The following PRR23C variants were observed in gnomAD, a reference collection of about 807,000 sequenced individuals.
The protein encoded by PRR23C is proline-rich protein 23C.
Under a neutral mutation model 0.1 loss-of-function variants are expected in PRR23C, and 1 was observed. The observed-to-expected ratio is 6.80, with a 90% CI of 2.41 to 32.24. PRR23C has a LOEUF of 32.24. Ranked by LOEUF, PRR23C falls within the 30% of genes most tolerant of loss-of-function variation. PRR23C has a pLI of 0.11. For synonymous variants in PRR23C, 172 were observed against 168.1 expected (o/e 1.02, Z -0.18); for missense variants, 361 against 370.4 (o/e 0.97, Z 0.21).
rs566156028 is a variant in PRR23C at position 139,044,757 on chromosome 3, T to C, written c.-137A>G. ...GACGCGGGGCGAGTCCTCGGAGCTC[T>C]GGGGGCGCCTCCCGGAGATCGGAGT... On this transcript the variant is annotated 5_prime_UTR_variant, in exon 1 of 1. Transcript: ENST00000413199. The surrounding 1 kb of genome is among the most constrained non-coding windows in gnomAD (Gnocchi z 7.5). The C allele has an allele frequency of 1.8e-4, 178 of 970,194 alleles. 1 individual carries two copies. In the East Asian group the frequency reaches 5.1e-3, roughly 28 times the overall value. 60.1% of individuals were successfully genotyped at this position (970,194 alleles called of 1,614,324 possible).
In PRR23C at chr3:139,044,330, G is replaced by A. The variant is rs1937177944; in HGVS notation, c.291C>T (p.Leu97=). The part of the protein sequence containing the change: ...VLRVSLGGHT[L]IVIPEVLLSS... ...TCAGGAGGACCTCGGGGATCACGAT[G>A]AGGGTGTGTCCACCAAGAGACACTC... The change falls in exon 1 of 1, where the codon CTC becomes CTT. Residue 97 remains leucine, a synonymous_variant. Transcript: ENST00000413199. This position sits in a 1 kb window ranked among gnomAD's most constrained non-coding sequence, Gnocchi z 7.5. 1 of 1,609,642 alleles carries A rather than the reference G, an allele frequency of 6.2e-7. No individual in the cohort carries two copies. The highest frequency in any genetic ancestry group is 8.5e-7 in the Non-Finnish European group (1 of 1,178,150).
At position 139,043,950 on chromosome 3, in the gene PRR23C, G is replaced by A. The variant is rs747405289; in HGVS notation, c.671C>T (p.Pro224Leu). The A allele has an allele frequency of 3.1e-6, 5 of 1,607,392 alleles. No homozygotes were observed. In the East Asian group the frequency reaches 6.7e-5, roughly 22 times the overall value. Residue 224 changes from proline (P) to leucine (L), a missense_variant, in exon 1 of 1, where the codon CCT becomes CTT. Physicochemically the swap from Pro to Leu is moderately conservative, Grantham distance 98. Transcript: ENST00000413199. ...AGGTTGGAGAGGTGAGCTGGGGACA[G>A]GCTCCAGAAGATGGAATTCCAGGTC... ...IFDLEFHLLE[P>L]VPSSPLQPLP...
Position 139,042,487 on chromosome 3 carries a change from G to C in PRR23C, c.*1345C>G, listed in dbSNP as rs969957681. 5 of 152,086 alleles carry C rather than the reference G, an allele frequency of 3.3e-5. No individual in the cohort carries two copies. The highest frequency in any genetic ancestry group is 5.9e-5 in the Non-Finnish European group (4 of 68,014). 9.4% of individuals were successfully genotyped at this position (152,086 alleles called of 1,614,324 possible). The stretch of plus-strand genomic sequence containing the variant: ...AAGGGTTATCTAACAACCATGTAAA[G>C]ATCATACTTTATGGTAAAATTTAGA... On this transcript the variant is annotated 3_prime_UTR_variant, in exon 1 of 1. Transcript: ENST00000413199.
In PRR23C at chr3:139,044,490, C is replaced by A; in HGVS notation, c.131G>T (p.Ser44Ile). 1 of 1,541,816 alleles carries A rather than the reference C, an allele frequency of 6.5e-7. No homozygotes were observed. Among genetic ancestry groups the A allele is most frequent in the Non-Finnish European group, 8.7e-7 (1 of 1,144,184 alleles). The change falls in exon 1 of 1, where the codon AGC becomes ATC. Residue 44 changes from serine (S) to isoleucine (I), a missense_variant. By Grantham distance (142) the Ser-to-Ile change is moderately radical. Coordinates refer to ENST00000413199, the MANE Select transcript of PRR23C (RefSeq NM_001134657.1). The surrounding 1 kb of genome is among the most constrained non-coding windows in gnomAD (Gnocchi z 7.5). Reference sequence around the variant, plus strand: ...CGGGGTCCCCGCCGGGTCTTCCGGGCTGGGCGCCGCTCGGGATTCGGGGCC... The same window carrying A: ...CGGGGTCCCCGCCGGGTCTTCCGGGATGGGCGCCGCTCGGGATTCGGGGCC... ...PAGPESRAAP[S>I]PEDPAGTPAV...
chr3:139,043,959 A>C lies in PRR23C; in HGVS notation c.662T>G (p.Leu221Arg), dbSNP rs776957873. The change falls in exon 1 of 1, where the codon CTT (leucine) becomes CGT (arginine). Residue 221 changes from leucine to arginine, a missense_variant. By Grantham distance (102) the Leu-to-Arg change is moderately radical (BLOSUM62 -2). Transcript: ENST00000413199. ...AGGTGAGCTGGGGACAGGCTCCAGA[A>C]GATGGAATTCCAGGTCGAAGATGGG... ...PRPIFDLEFH[L>R]LEPVPSSPLQ... 1 of 1,609,354 alleles carries C rather than the reference A, an allele frequency of 6.2e-7. No individual in the cohort carries two copies.
rs1212399708 is a variant in PRR23C, at chr3:139,043,866, G to A, written c.755C>T (p.Pro252Leu). The change falls in exon 1 of 1, where the codon CCG becomes CTG. Residue 252 changes from proline to leucine, a missense_variant. By Grantham distance (98) the Pro-to-Leu change is moderately conservative (BLOSUM62 -3). Coordinates refer to ENST00000413199, the MANE Select transcript of PRR23C (RefSeq NM_001134657.1). ...HARPELPERP[P>L]CKVRRRLFQE is the part of the protein sequence containing the mutation. Reference sequence around the variant, plus strand: ...GAACAGGCGTCTTCGGACCTTGCACGGAGGGCGCTCTGGGAGCTCCGGGCG... The same window carrying A: ...GAACAGGCGTCTTCGGACCTTGCACAGAGGGCGCTCTGGGAGCTCCGGGCG... 4 of 1,561,812 alleles carry A rather than the reference G, an allele frequency of 2.6e-6. No individual in the cohort carries two copies. The highest frequency in any genetic ancestry group is 1.9e-5 in the Admixed American group (1 of 51,644).
chr3:139,044,106 G>C lies in PRR23C; in HGVS notation c.515C>G (p.Ala172Gly). The C allele has an allele frequency of 6.2e-7, 1 of 1,613,122 alleles. No individual in the cohort carries two copies. The highest frequency in any genetic ancestry group is 8.5e-7 in the Non-Finnish European group (1 of 1,179,508). Residue 172 changes from alanine to glycine, a missense_variant, in exon 1 of 1, where the codon GCC (alanine) becomes GGC (glycine). Physicochemically the swap from Ala to Gly is moderately conservative, Grantham distance 60. Transcript: ENST00000413199. The surrounding 1 kb of genome is among the most constrained non-coding windows in gnomAD (Gnocchi z 7.5). ...GGGGTAGAGCCCAGCGGCTGAGCCG[G>C]CTGCGGAGTCCATCCAGAGCTCCGG... ...EFPELWMDSA[A>G]GSAAGLYPSA... is the part of the protein sequence containing the mutation.
rs917279309 is a variant in PRR23C, at chr3:139,043,786, G to T, written c.*46C>A. ...ATACACACAACGGCTATCAGGAGACGGTCTCCTGGAGCCCAGCAGGGTGGC... is the reference window on the plus strand; with the variant it reads ...ATACACACAACGGCTATCAGGAGACTGTCTCCTGGAGCCCAGCAGGGTGGC... On this transcript the variant is annotated 3_prime_UTR_variant, in exon 1 of 1. Coordinates refer to ENST00000413199, the MANE Select transcript of PRR23C (RefSeq NM_001134657.1). The T allele has an allele frequency of 2.8e-6, 4 of 1,452,694 alleles. No individual in the cohort carries two copies. In the South Asian group the frequency reaches 4.3e-5, roughly 16 times the overall value. 90.0% of individuals were successfully genotyped at this position (1,452,694 alleles called of 1,614,324 possible).
Position 139,043,106 on chromosome 3 carries a change from T to G in PRR23C, c.*726A>C, listed in dbSNP as rs1444985718. The G allele has an allele frequency of 6.6e-6, 1 of 151,998 alleles. No individual in the cohort carries two copies. The highest frequency in any genetic ancestry group is 1.5e-5 in the Non-Finnish European group (1 of 68,004). 9.4% of individuals were successfully genotyped at this position (151,998 alleles called of 1,614,324 possible). On this transcript the variant is annotated 3_prime_UTR_variant, in exon 1 of 1. Coordinates refer to ENST00000413199, the MANE Select transcript of PRR23C (RefSeq NM_001134657.1). ...ACATACACACACAGAGTCTTAGAAT[T>G]ATAAGCTTTTCCAGGATAAAATAAT...
In PRR23C at chr3:139,044,260, C is replaced by T. The variant is rs1363025344; in HGVS notation, c.361G>A (p.Gly121Ser). The T allele has an allele frequency of 1.2e-6, 2 of 1,609,316 alleles. No individual in the cohort carries two copies. The highest frequency in any genetic ancestry group is 8.5e-7 in the Non-Finnish European group (1 of 1,177,826). ...CSGAQGDWSA[G>S]LEVDVFLGAH... ...CCCAGGAAAACGTCCACTTCCAGGC[C>T]GGCAGACCAGTCGCCCTGCGCTCCT... is the stretch of plus-strand genomic sequence containing the variant. The change falls in exon 1 of 1, where the codon GGC (glycine) becomes AGC (serine). Residue 121 changes from glycine (G) to serine (S), a missense_variant. Gly to Ser is a moderately conservative substitution (Grantham distance 56, BLOSUM62 0). Transcript: ENST00000413199. The surrounding 1 kb of genome is among the most constrained non-coding windows in gnomAD (Gnocchi z 7.5).
chr3:139,044,182 C>A, the PRR23C span: 153 of 1,613,462 alleles, frequency 9.5e-5, no homozygotes, highest in East Asian at 3.3e-3. This position sits in a 1 kb window ranked among gnomAD's most constrained non-coding sequence, Gnocchi z 7.5. Context: ...GCAGCGATCT[C>A]TGGGACAGAT....
In PRR23C at chr3:139,043,945, G is replaced by C. The variant is rs907640571; in HGVS notation, c.676C>G (p.Pro226Ala). 1 of 1,606,622 alleles carries C rather than the reference G, an allele frequency of 6.2e-7. No individual in the cohort carries two copies. The highest frequency in any genetic ancestry group is 2.2e-5 in the East Asian group (1 of 44,458). ...GGTAGAGGTTGGAGAGGTGAGCTGG[G>C]GACAGGCTCCAGAAGATGGAATTCC... ...DLEFHLLEPV[P>A]SSPLQPLPPS... Residue 226 changes from proline to alanine, a missense_variant, in exon 1 of 1, where the codon CCC becomes GCC. By Grantham distance (27) the Pro-to-Ala change is conservative (BLOSUM62 -1). Transcript: ENST00000413199.
At position 139,043,759 on chromosome 3, in the gene PRR23C, A is replaced by G. The variant is rs1937165322; in HGVS notation, c.*73T>C. Reference sequence around the variant, plus strand: ...CTCCGAGATCCTTGTAGGTTGCGCAACATACACACAACGGCTATCAGGAGA... The same window carrying G: ...CTCCGAGATCCTTGTAGGTTGCGCAGCATACACACAACGGCTATCAGGAGA... On this transcript the variant is annotated 3_prime_UTR_variant, in exon 1 of 1. Transcript: ENST00000413199. 1.5e-6 allele frequency: 2 copies of G among 1,344,940 alleles called. No individual in the cohort carries two copies. The highest frequency in any genetic ancestry group is 1.5e-5 in the South Asian group (1 of 65,824). The allele number at this position is 1,344,940 out of a possible 1,614,324, so 83.3% of individuals were successfully genotyped here. A position where few individuals can be genotyped will look rare whatever the true frequency, so the allele number is the denominator to read the frequency against.
chr3:139,044,750 G>C lies in PRR23C; in HGVS notation c.-130C>G. On this transcript the variant is annotated 5_prime_UTR_variant, in exon 1 of 1. Transcript: ENST00000413199. The surrounding 1 kb of genome is among the most constrained non-coding windows in gnomAD (Gnocchi z 7.5). The stretch of plus-strand genomic sequence containing the variant: ...ACCGCGCGACGCGGGGCGAGTCCTC[G>C]GAGCTCTGGGGGCGCCTCCCGGAGA... The C allele has an allele frequency of 9.6e-7, 1 of 1,045,892 alleles. No homozygotes were observed. Among genetic ancestry groups the C allele is most frequent in the South Asian group, 1.9e-5 (1 of 52,548 alleles). 64.8% of individuals were successfully genotyped at this position (1,045,892 alleles called of 1,614,324 possible).
At position 139,043,889 on chromosome 3, in the gene PRR23C, G is replaced by A. The variant is rs751069240; in HGVS notation, c.732C>T (p.Arg244=). ...ACGGAGGGCGCTCTGGGAGCTCCGGGCGCGCGTGGGGACCTGGACTCGGAG... is the reference window on the plus strand; with the variant it reads ...ACGGAGGGCGCTCTGGGAGCTCCGGACGCGCGTGGGGACCTGGACTCGGAG... ...PPSPSPGPHA[R]PELPERPPCK... is the part of the protein sequence containing the mutation. The change falls in exon 1 of 1, where the codon CGC becomes CGT. Residue 244 remains arginine (R), a synonymous_variant. Transcript: ENST00000413199. The A allele has an allele frequency of 6.3e-7, 1 of 1,576,138 alleles. No individual in the cohort carries two copies. The highest frequency in any genetic ancestry group is 8.6e-7 in the Non-Finnish European group (1 of 1,161,512).
chr3:139,042,767 C>T lies in PRR23C; in HGVS notation c.*1065G>A, dbSNP rs1257980194. On this transcript the variant is annotated 3_prime_UTR_variant, in exon 1 of 1. Transcript: ENST00000413199. ...ATCAACCTAAGAAACAAATTATTTC[C>T]GGCTGGGTGCGATGGCTCGTGCCTG... The T allele has an allele frequency of 1.3e-5, 2 of 152,130 alleles. No homozygotes were observed. Among genetic ancestry groups the T allele is most frequent in the South Asian group, 2.1e-4 (1 of 4,828 alleles). 9.4% of individuals were successfully genotyped at this position (152,130 alleles called of 1,614,324 possible). A position where few individuals can be genotyped will look rare whatever the true frequency, so the allele number is the denominator to read the frequency against.
rs1192115691 is a variant in PRR23C, at chr3:139,043,810, G to A, written c.*22C>T. The A allele has an allele frequency of 2.0e-6, 3 of 1,504,708 alleles. No homozygotes were observed. The highest frequency in any genetic ancestry group is 2.3e-5 in the Admixed American group (1 of 43,814). 93.2% of individuals were successfully genotyped at this position (1,504,708 alleles called of 1,614,324 possible). A position where few individuals can be genotyped will look rare whatever the true frequency, so the allele number is the denominator to read the frequency against. On this transcript the variant is annotated 3_prime_UTR_variant, in exon 1 of 1. Coordinates refer to ENST00000413199, the MANE Select transcript of PRR23C (RefSeq NM_001134657.1). ...CGGTCTCCTGGAGCCCAGCAGGGTGGCAAGGGATTGTGGGAGGCAACTCAT... is the reference window on the plus strand; with the variant it reads ...CGGTCTCCTGGAGCCCAGCAGGGTGACAAGGGATTGTGGGAGGCAACTCAT...
rs1937169375 is a variant in PRR23C, at chr3:139,043,947, A to T, written c.674T>A (p.Val225Asp). Reference protein sequence around the residue: ...FDLEFHLLEPVPSSPLQPLPP... With the variant: ...FDLEFHLLEPDPSSPLQPLPP... ...TAGAGGTTGGAGAGGTGAGCTGGGGACAGGCTCCAGAAGATGGAATTCCAG... is the reference window on the plus strand; with the variant it reads ...TAGAGGTTGGAGAGGTGAGCTGGGGTCAGGCTCCAGAAGATGGAATTCCAG... The change falls in exon 1 of 1, where the codon GTC (valine) becomes GAC (aspartate). Residue 225 changes from valine (V) to aspartate (D), a missense_variant. By Grantham distance (152) the Val-to-Asp change is radical. Transcript: ENST00000413199. The T allele has an allele frequency of 6.2e-7, 1 of 1,606,822 alleles. No individual in the cohort carries two copies. The highest frequency in any genetic ancestry group is 1.7e-5 in the Admixed American group (1 of 58,970).
In PRR23C at chr3:139,044,521, G is replaced by T; in HGVS notation, c.100C>A (p.Pro34Thr). ...GCCGCTCGGGATTCGGGGCCCGCGG[G>T]CTCCTCCAATCGGCTGCGCTTGGCA... ...GPAKRSRLEEPAGPESRAAPS... is the reference protein window; with the variant it reads ...GPAKRSRLEETAGPESRAAPS... Residue 34 changes from proline to threonine, a missense_variant, in exon 1 of 1, where the codon CCC (proline) becomes ACC (threonine). By Grantham distance (38) the Pro-to-Thr change is conservative. Coordinates refer to ENST00000413199, the MANE Select transcript of PRR23C (RefSeq NM_001134657.1). This position sits in a 1 kb window ranked among gnomAD's most constrained non-coding sequence, Gnocchi z 7.5. 6.5e-7 allele frequency: 1 copy of T among 1,544,948 alleles called. No individual in the cohort carries two copies. The highest frequency in any genetic ancestry group is 1.2e-5 in the South Asian group (1 of 83,762).
Sources: gnomAD v4.1 joint callset for allele counts on GRCh38, gnomAD v4.1.1 for gene constraint, Gnocchi (gnomAD v3.1) non-coding constraint, MANE v1.5 for transcripts, NCBI Gene and HGNC (gene_info 2026-07-23, HGNC 2026-07-21) for gene names.